The following DMD variants were observed in gnomAD, a reference collection of about 807,000 sequenced individuals.
The protein encoded by DMD is dystrophin.
A neutral mutation model predicts 330.1 loss-of-function variants in DMD; 63 were observed. That is an observed-to-expected ratio of 0.19 (90% CI 0.16 to 0.24). The LOEUF (loss-of-function observed/expected upper bound fraction) is 0.24, where lower values mean the gene tolerates loss of function less well. Among genes scored for constraint, DMD ranks in the 10% least tolerant of loss-of-function variants. The probability of loss-of-function intolerance (pLI) is 1.00; values close to 1 mark genes in which losing one functional copy is unlikely to be tolerated. For synonymous variants in DMD, 1,223 were observed against 959.8 expected, an observed-to-expected ratio of 1.27 and a Z score of -5.07; for missense variants, 3,344 against 2,684.1, an observed-to-expected ratio of 1.25 and a Z score of -5.43.
chrX:32,811,066 C>T lies in DMD; in HGVS notation c.531-1455G>A, dbSNP rs779142876. Among the ~76,000 whole-genome samples, 14 of 110,029 alleles carry T rather than the reference C, an allele frequency of 1.3e-4. No individual in the cohort carries two copies. In the East Asian group the frequency reaches 3.4e-3, roughly 27 times the overall value. On this transcript the variant is annotated intron_variant, in intron 6 of 78. Coordinates refer to ENST00000357033, the MANE Select transcript of DMD (RefSeq NM_004006.3). ...ATTGCATGCTGGCCAGGCACCTTGG[C>T]TCACACCTGTAAACCAAGCACTTTG...
At chrX:32,711,555 A>T (rs1300411671) in intron 7 of DMD, among the ~76,000 whole-genome samples, 1 of 112,039 alleles carries the variant, frequency 8.9e-6, no homozygotes, top group African/African-American at 3.2e-5. Context: ...GTTGTCTTTG[A>T]TATTTTAATT....
chrX:33,067,820 G>A (rs1490841323), intron 1 of DMD, among the ~76,000 whole-genome samples: 2 of 111,632 alleles, frequency 1.8e-5, no homozygotes, highest in Non-Finnish European at 3.8e-5. Flanking sequence ...ACTCCAGCCT[G>A]GGCGACAGAG....
At chrX:33,226,666 A>T (rs1488236484) in intron 1 of DMD, among the ~76,000 whole-genome samples, 1 of 111,345 alleles carries the variant, frequency 9.0e-6, no homozygotes, top group Non-Finnish European at 1.9e-5. Flanking sequence ...GCTGATGTCA[A>T]TATCTTGTTG....
intron 67 of DMD, among the ~76,000 whole-genome samples, chrX:31,189,850 C>T (rs143448401): frequency 0.019 from 2,128 of 112,475 alleles, 68 homozygotes; most frequent in South Asian, 0.16. Context: ...TTATAAAGAG[C>T]AGAAGACAAA....
chrX:31,475,967 A>G (rs1296599074), intron 59 of DMD, among the ~76,000 whole-genome samples: 1 of 111,406 alleles, frequency 9.0e-6, no homozygotes, highest in Non-Finnish European at 1.9e-5. Flanking sequence ...GAGATTCCTC[A>G]TATGTTGCTG....
At chrX:32,725,693 G>T (rs2066795134) in intron 7 of DMD, among the ~76,000 whole-genome samples, 1 of 111,113 alleles carries the variant, frequency 9.0e-6, no homozygotes, top group African/African-American at 3.3e-5. Context: ...GGCTGAGTAG[G>T]GTACTAGGGG....
intron 51 of DMD, among the ~76,000 whole-genome samples, chrX:31,762,611 C>T (rs994847347): frequency 9.0e-6 from 1 of 111,095 alleles, no homozygotes; most frequent in Admixed American, 9.6e-5. Flanking sequence ...AAAAGAAAGT[C>T]TCATGTTGGA....
chrX:32,626,115 A>G (rs1602279478), intron 11 of DMD, among the ~76,000 whole-genome samples: 1 of 112,468 alleles, frequency 8.9e-6, no homozygotes, highest in Non-Finnish European at 1.9e-5. Context: ...TTTTAAATGC[A>G]CGCCATTTAG....
At chrX:33,068,076 C>T (rs935386223) in intron 1 of DMD, among the ~76,000 whole-genome samples, 4 of 111,667 alleles carry the variant, frequency 3.6e-5, no homozygotes, top group South Asian at 7.5e-4. Context: ...GTTACAATTT[C>T]GAGAAAGAAT....
At chrX:32,691,541 C>T (rs1344409207) in intron 9 of DMD, among the ~76,000 whole-genome samples, 1 of 111,313 alleles carries the variant, frequency 9.0e-6, no homozygotes, top group African/African-American at 3.3e-5. Flanking sequence ...ATAATTGGAA[C>T]TATTGTACAC....
intron 59 of DMD, among the ~76,000 whole-genome samples, chrX:31,446,709 T>C (rs1602959620): frequency 8.9e-6 from 1 of 112,572 alleles, no homozygotes; most frequent in East Asian, 2.8e-4. Flanking sequence ...TCCATATTAA[T>C]TTTGTTTTGC....
At chrX:33,008,884 A>ACGTATATATATACACATATATG (rs2093468349) in intron 2 of DMD, among the ~76,000 whole-genome samples, 1 of 47,382 alleles carries the variant, frequency 2.1e-5, no homozygotes, top group Non-Finnish European at 5.0e-5. Flanking sequence ...ATATATGTAT[A>ACGTATATATATACACATATATG]TATACGTGTA....
At chrX:32,453,682 A>G (rs1336748520) in intron 26 of DMD, among the ~76,000 whole-genome samples, 2 of 110,985 alleles carry the variant, frequency 1.8e-5, no homozygotes, top group African/African-American at 6.5e-5. Flanking sequence ...GAAAGCAGAC[A>G]TTCTGATACC....
At chrX:31,201,013 T>C (rs754907580) in intron 67 of DMD, among the ~76,000 whole-genome samples, 4 of 111,687 alleles carry the variant, frequency 3.6e-5, no homozygotes, top group East Asian at 2.8e-4. Context: ...TCTTGACTGA[T>C]TTCCCCCCAG....
intron 1 of DMD, among the ~76,000 whole-genome samples, chrX:33,134,062 C>A (rs1039546728): frequency 9.0e-6 from 1 of 111,667 alleles, no homozygotes; most frequent in Non-Finnish European, 1.9e-5. Flanking sequence ...ATATAAGGAA[C>A]TTTTGCACAG....
At chrX:31,356,900 G>C (rs1435724014) in intron 60 of DMD, among the ~76,000 whole-genome samples, 1 of 100,122 alleles carries the variant, frequency 1.0e-5, no homozygotes, top group Non-Finnish European at 2.0e-5. Context: ...GAAGAGAAGA[G>C]ATCATAGGAA....
intron 62 of DMD, among the ~76,000 whole-genome samples, chrX:31,313,369 A>T (rs1349638125): frequency 2.7e-5 from 3 of 110,925 alleles, no homozygotes; most frequent in Admixed American, 1.9e-4. Flanking sequence ...GGGAAGGACT[A>T]CTAGAGTAGT....
chrX:31,544,217 G>A (rs1475998692), intron 55 of DMD, among the ~76,000 whole-genome samples: 6 of 109,510 alleles, frequency 5.5e-5, no homozygotes, highest in African/African-American at 1.7e-4. Context: ...CCAGTTACTC[G>A]GGAGGCTGAG....
chrX:31,821,963 T>G (rs960878645), intron 49 of DMD, among the ~76,000 whole-genome samples: 5 of 112,331 alleles, frequency 4.5e-5, no homozygotes, highest in African/African-American at 1.3e-4. Context: ...AGTTTAATGC[T>G]AATCATTAAT....
Sources: allele counts gnomAD v4.1 joint callset (sites outside exome capture counted in the v4.1 genomes callset), GRCh38; gene constraint gnomAD v4.1.1; transcripts MANE v1.5; gene names NCBI Gene and HGNC (gene_info 2026-07-23, HGNC 2026-07-21).